STXBP5L: variants seen among roughly 807,000 people sequenced by gnomAD.
The protein encoded by STXBP5L is syntaxin-binding protein 5-like.
A neutral mutation model predicts 144.5 loss-of-function variants in STXBP5L; 65 were observed. The observed-to-expected ratio is 0.45, with a 90% confidence interval of 0.37 to 0.55. STXBP5L has a LOEUF of 0.55. STXBP5L is among the 20% of genes least tolerant of loss of function. STXBP5L has a pLI of 0.00. For synonymous variants in STXBP5L, 505 were observed against 469.6 expected (o/e 1.08, Z -0.97); for missense variants, 1,298 against 1,405.5 (o/e 0.92, Z 1.22).
chr3:121,187,137 C>T (rs774223254), intron 9 of STXBP5L, among the ~76,000 whole-genome samples: 3 of 152,040 alleles, frequency 2.0e-5, no homozygotes, highest in Non-Finnish European at 2.9e-5. Flanking sequence ...TGGCACTATT[C>T]ACAATAGCAA....
At chr3:121,175,408 A>G (rs971184086) in intron 9 of STXBP5L, among the ~76,000 whole-genome samples, 1 of 152,154 alleles carries the variant, frequency 6.6e-6, no homozygotes, top group Non-Finnish European at 1.5e-5. Flanking sequence ...ATTTATCTCC[A>G]TATCTCTTGT....
intron 2 of STXBP5L, among the ~76,000 whole-genome samples, chr3:120,948,529 A>G (rs1002094834): frequency 6.6e-6 from 1 of 151,806 alleles, no homozygotes; most frequent in Non-Finnish European, 1.5e-5. Flanking sequence ...ACTGTACCCA[A>G]TGTGTAGTTT....
chr3:121,043,907 C>A (rs1357813494), intron 4 of STXBP5L, among the ~76,000 whole-genome samples: 1 of 152,158 alleles, frequency 6.6e-6, no homozygotes, highest in Non-Finnish European at 1.5e-5. Context: ...CACCCCATCT[C>A]AGGTGAACTT....
rs142585576 is a variant in STXBP5L at position 120,997,858 on chromosome 3, G to A, written c.287+42821G>A. Among the ~76,000 whole-genome samples, 486 of 152,256 alleles carry A rather than the reference G, an allele frequency of 3.2e-3. 2 individuals are homozygous for A. Among genetic ancestry groups the A allele is most frequent in the Non-Finnish European group, 5.0e-3 (342 of 68,012 alleles). On this transcript the variant is annotated intron_variant, in intron 3 of 26. Coordinates refer to ENST00000471454, the MANE Select transcript of STXBP5L (RefSeq NM_001308330.2). ...ATGAAATAGAAGCAAACTGAATTCAGCGGCACATCAAAAAGCTGATCCACT... is the reference window on the plus strand; with the variant it reads ...ATGAAATAGAAGCAAACTGAATTCAACGGCACATCAAAAAGCTGATCCACT...
At chr3:121,299,732 A>G (rs1042994312) in intron 19 of STXBP5L, among the ~76,000 whole-genome samples, 1 of 152,082 alleles carries the variant, frequency 6.6e-6, no homozygotes, top group Non-Finnish European at 1.5e-5. Flanking sequence ...CATGCCTGTA[A>G]TCCCAGCACT....
chr3:121,077,358 T>A (rs1372328534), intron 5 of STXBP5L, among the ~76,000 whole-genome samples: 1 of 152,100 alleles, frequency 6.6e-6, no homozygotes, highest in Non-Finnish European at 1.5e-5. Flanking sequence ...GTGTTAACAG[T>A]TCTTAAAGGC....
chr3:121,109,381 CT>C (rs1280167035), intron 5 of STXBP5L, among the ~76,000 whole-genome samples: 1 of 152,152 alleles, frequency 6.6e-6, no homozygotes, highest in Non-Finnish European at 1.5e-5. Context: ...AAATTTCCCT[CT>C]TAACACTGCT....
intron 9 of STXBP5L, among the ~76,000 whole-genome samples, chr3:121,173,752 T>G (rs557532984): frequency 6.6e-6 from 1 of 152,126 alleles, no homozygotes; most frequent in Non-Finnish European, 1.5e-5. Context: ...TGTTATCTCT[T>G]TACAAGATGA....
intron 20 of STXBP5L, among the ~76,000 whole-genome samples, chr3:121,354,033 TG>T (rs1240285226): frequency 2.0e-5 from 3 of 152,236 alleles, no homozygotes; most frequent in African/African-American, 4.8e-5. Context: ...TTGATTGCAC[TG>T]TGGTCTGAGA....
intron 10 of STXBP5L, among the ~76,000 whole-genome samples, chr3:121,215,806 C>G (rs2048756347): frequency 6.6e-6 from 1 of 152,140 alleles, no homozygotes. Flanking sequence ...TTTTCCAACT[C>G]TGTTCCATTC....
intron 5 of STXBP5L, among the ~76,000 whole-genome samples, chr3:121,049,893 G>A (rs1485987751): frequency 6.6e-6 from 1 of 152,150 alleles, no homozygotes; most frequent in East Asian, 1.9e-4. Flanking sequence ...CTCTTTGCAT[G>A]TTTGTCTGGA....
intron 8 of STXBP5L, among the ~76,000 whole-genome samples, chr3:121,154,390 A>G (rs2046044112): frequency 6.6e-6 from 1 of 151,800 alleles, no homozygotes; most frequent in South Asian, 2.1e-4. Flanking sequence ...TAAGCTCTTC[A>G]TTACTACACA....
In STXBP5L at chr3:120,977,797, T is replaced by A. The variant is rs528933462; in HGVS notation, c.287+22760T>A. Among the ~76,000 whole-genome samples, 4 of 152,254 alleles carry A rather than the reference T, an allele frequency of 2.6e-5. No individual in the cohort carries two copies. The East Asian group carries it at 5.8e-4, about 22-fold the overall frequency. Reference sequence around the variant, plus strand: ...TGTGAAGTATTTTATTTCTCCTTCATTTATGAAGCTTAGTTTGGCTGGATA... The same window carrying A: ...TGTGAAGTATTTTATTTCTCCTTCAATTATGAAGCTTAGTTTGGCTGGATA... On this transcript the variant is annotated intron_variant, in intron 3 of 26. Coordinates refer to ENST00000471454, the MANE Select transcript of STXBP5L (RefSeq NM_001308330.2).
chr3:121,386,862 C>A (rs1398942186), intron 22 of STXBP5L, among the ~76,000 whole-genome samples: 2 of 152,214 alleles, frequency 1.3e-5, no homozygotes, highest in Non-Finnish European at 2.9e-5. Flanking sequence ...CTGCAATAAA[C>A]ATACGTGTGC....
At chr3:121,044,088 A>G (rs927746343) in intron 4 of STXBP5L, among the ~76,000 whole-genome samples, 1 of 152,212 alleles carries the variant, frequency 6.6e-6, no homozygotes, top group African/African-American at 2.4e-5. Context: ...GCTTATATAT[A>G]GAATACCTCC....
chr3:121,007,595 A>T (rs1187653517), intron 3 of STXBP5L, among the ~76,000 whole-genome samples: 1 of 152,182 alleles, frequency 6.6e-6, no homozygotes, highest in African/African-American at 2.4e-5. Flanking sequence ...GGAATGAGAT[A>T]TTCAACTCTG....
At chr3:121,127,255 T>G (rs528486545) in intron 7 of STXBP5L, among the ~76,000 whole-genome samples, 1 of 152,168 alleles carries the variant, frequency 6.6e-6, no homozygotes, top group East Asian at 1.9e-4. Flanking sequence ...TTTGTTAAAG[T>G]CAGAGCCCTG....
At chr3:121,149,937 G>A (rs1428540169) in intron 7 of STXBP5L, among the ~76,000 whole-genome samples, 3 of 151,668 alleles carry the variant, frequency 2.0e-5, no homozygotes, top group South Asian at 2.1e-4. Context: ...TCTTCTCTAC[G>A]TACATATTTA....
intron 20 of STXBP5L, among the ~76,000 whole-genome samples, chr3:121,323,738 T>C (rs536340621): frequency 7.4e-6 from 1 of 135,170 alleles, no homozygotes; most frequent in Non-Finnish European, 1.6e-5. Flanking sequence ...CATACTTTTT[T>C]AAAGGCTGTA....
Sources: gnomAD v4.1 joint callset for allele counts (sites outside exome capture counted in the v4.1 genomes callset) on GRCh38, gnomAD v4.1.1 for gene constraint, MANE v1.5 for transcripts, NCBI Gene and HGNC (gene_info 2026-07-23, HGNC 2026-07-21) for gene names.